CTNNA3: variants seen among roughly 807,000 people sequenced by gnomAD.
The protein encoded by CTNNA3 is catenin alpha-3.
A neutral mutation model predicts 95.7 loss-of-function variants in CTNNA3; 76 were observed. The observed-to-expected ratio is 0.79, with a 90% CI of 0.66 to 0.96. The LOEUF is 0.96. Among genes scored for constraint, CTNNA3 ranks in the 40% least tolerant of loss-of-function variants. The pLI, the probability that CTNNA3 is intolerant of heterozygous loss-of-function variation, is 0.00. For missense variants in CTNNA3, 1,191 were observed against 1,089.8 expected (o/e 1.09, Z -1.31); for synonymous variants, 431 against 374.4 (o/e 1.15, Z -1.74).
At chr10:67,632,310 A>AC (rs1564796042) in intron 2 of CTNNA3, among the ~76,000 whole-genome samples, 1 of 127,290 alleles carries the variant, frequency 7.9e-6, no homozygotes. Flanking sequence ...CATTAAATAT[A>AC]TTAAAAAAAA....
At chr10:66,408,107 T>C (rs1360319718) in intron 11 of CTNNA3, among the ~76,000 whole-genome samples, 1 of 152,198 alleles carries the variant, frequency 6.6e-6, no homozygotes, top group Non-Finnish European at 1.5e-5. Context: ...TAATACCTAA[T>C]AAAATGCCTA....
intron 9 of CTNNA3, among the ~76,000 whole-genome samples, chr10:66,679,731 G>A (rs947731248): frequency 3.3e-5 from 5 of 152,136 alleles, no homozygotes; most frequent in Non-Finnish European, 7.4e-5. Context: ...AAGGGCCAAT[G>A]AGGTACAGCA....
chr10:66,071,921 G>A (rs1226132939), intron 14 of CTNNA3, among the ~76,000 whole-genome samples: 1 of 152,060 alleles, frequency 6.6e-6, no homozygotes, highest in Non-Finnish European at 1.5e-5. Flanking sequence ...TGCCTATTAG[G>A]CATTTTTAAG....
At chr10:66,533,386 C>G (rs1841538461) in intron 10 of CTNNA3, among the ~76,000 whole-genome samples, 1 of 152,074 alleles carries the variant, frequency 6.6e-6, no homozygotes, top group Non-Finnish European at 1.5e-5. Context: ...CACACTACCT[C>G]AAATATATCA....
chr10:67,164,038 T>C (rs1442956282), intron 7 of CTNNA3, among the ~76,000 whole-genome samples: 2 of 151,928 alleles, frequency 1.3e-5, no homozygotes, highest in Non-Finnish European at 2.9e-5. Context: ...AGTAAATATG[T>C]CAATTCTCCT....
intron 11 of CTNNA3, among the ~76,000 whole-genome samples, chr10:66,463,542 A>C (rs1053811780): frequency 6.6e-6 from 1 of 152,020 alleles, no homozygotes; most frequent in Non-Finnish European, 1.5e-5. Context: ...CAAATAGATC[A>C]CTCTGGGCTA....
chr10:66,620,698 T>C (rs1356370746), intron 10 of CTNNA3, among the ~76,000 whole-genome samples: 6 of 152,196 alleles, frequency 3.9e-5, no homozygotes, highest in Non-Finnish European at 2.9e-5. Context: ...GCAGGTCCTC[T>C]AGATCCCACT....
intron 12 of CTNNA3, among the ~76,000 whole-genome samples, chr10:66,285,936 T>C (rs1450314372): frequency 1.3e-5 from 2 of 151,998 alleles, no homozygotes; most frequent in South Asian, 2.1e-4. Context: ...GTAAGTTGTA[T>C]ATGGAATTAT....
intron 11 of CTNNA3, among the ~76,000 whole-genome samples, chr10:66,427,167 A>G (rs2093249771): frequency 3.3e-5 from 5 of 152,018 alleles, no homozygotes; most frequent in Admixed American, 3.3e-4. Context: ...CTTTGCTCCA[A>G]TATCCCTCCA....
intron 7 of CTNNA3, among the ~76,000 whole-genome samples, chr10:67,012,586 G>T (rs561606767): frequency 6.6e-6 from 1 of 152,094 alleles, no homozygotes; most frequent in East Asian, 1.9e-4. Flanking sequence ...AAACCTACTT[G>T]CTTGTCTTCA....
intron 7 of CTNNA3, among the ~76,000 whole-genome samples, chr10:66,859,800 A>C (rs967477077): frequency 1.5e-5 from 2 of 131,050 alleles, no homozygotes; most frequent in Non-Finnish European, 3.3e-5. Context: ...GATTAAGAAA[A>C]TGTGGCACAT....
chr10:67,067,882 G>A (rs894759884), intron 7 of CTNNA3, among the ~76,000 whole-genome samples: 2 of 152,194 alleles, frequency 1.3e-5, no homozygotes, highest in African/African-American at 4.8e-5. Context: ...CTGAAAGTAT[G>A]TACAGGGTCC....
At chr10:67,685,872 CTCTG>C (rs879483760) in intron 1 of CTNNA3, among the ~76,000 whole-genome samples, 24 of 152,240 alleles carry the variant, frequency 1.6e-4, no homozygotes, top group African/African-American at 4.3e-4. Context: ...ATCTTCCTCT[CTCTG>C]TCTCTCTCTT....
At chr10:66,932,404 C>T (rs1003588842) in intron 7 of CTNNA3, among the ~76,000 whole-genome samples, 9 of 152,182 alleles carry the variant, frequency 5.9e-5, no homozygotes, top group Non-Finnish European at 1.0e-4. Context: ...AAAGTGAGTT[C>T]CAGACATGGC....
chr10:67,373,783 G>T (rs536705787), intron 5 of CTNNA3, among the ~76,000 whole-genome samples: 1 of 152,234 alleles, frequency 6.6e-6, no homozygotes, highest in African/African-American at 2.4e-5. Context: ...AGATACATAA[G>T]AAACACATAA....
intron 10 of CTNNA3, among the ~76,000 whole-genome samples, chr10:66,595,387 AG>A (rs1335065028): frequency 6.6e-6 from 1 of 151,968 alleles, no homozygotes; most frequent in Non-Finnish European, 1.5e-5. Flanking sequence ...TCTGTCACCC[AG>A]GCTGGAGTGC....
chr10:66,573,005 T>C (rs964970970), intron 10 of CTNNA3, among the ~76,000 whole-genome samples: 63 of 152,278 alleles, frequency 4.1e-4, no homozygotes, highest in African/African-American at 1.5e-3. Flanking sequence ...ATGCTGGGGC[T>C]CTGATTACAA....
At chr10:66,131,770 T>G (rs1221831454) in intron 13 of CTNNA3, among the ~76,000 whole-genome samples, 1 of 152,142 alleles carries the variant, frequency 6.6e-6, no homozygotes, top group Admixed American at 6.5e-5. Flanking sequence ...CATCTGATCT[T>G]CGACAAAGTT....
At chr10:66,895,914 CAAA>C (rs869248195) in intron 7 of CTNNA3, among the ~76,000 whole-genome samples, 34 of 80,186 alleles carry the variant, frequency 4.2e-4, no homozygotes, top group East Asian at 2.3e-3. Context: ...CCTGTCTCTA[CAAA>C]AAAAAAAAAA....
Sources: allele counts gnomAD v4.1 joint callset (sites outside exome capture counted in the v4.1 genomes callset), GRCh38; gene constraint gnomAD v4.1.1; transcripts MANE v1.5; gene names NCBI Gene and HGNC (gene_info 2026-07-23, HGNC 2026-07-21).